The following PPP6R2 variants were observed in gnomAD, a reference collection of about 807,000 sequenced individuals.
The protein encoded by PPP6R2 is protein phosphatase 6 regulatory subunit 2, also known as serine/threonine-protein phosphatase 6 regulatory subunit 2.
PPP6R2 carries 62 observed loss-of-function variants against 100.2 expected under a neutral mutation model. The ratio of observed to expected loss-of-function variants is 0.62; its 90% CI spans 0.50 to 0.76. The LOEUF is 0.76. Among genes scored for constraint, PPP6R2 ranks in the 30% least tolerant of loss-of-function variants. The pLI, the probability that PPP6R2 is intolerant of heterozygous loss-of-function variation, is 0.00. For missense variants in PPP6R2, 1,142 were observed against 1,276.3 expected (o/e 0.89, Z 1.60); for synonymous variants, 525 against 514.7 (o/e 1.02, Z -0.27).
At chr22:50,341,359 A>G (rs1235014860), upstream of PPP6R2, among the ~76,000 whole-genome samples, 6 of 151,946 alleles carry the variant, frequency 3.9e-5, no homozygotes, top group Admixed American at 3.9e-4. Context: ...GCTCATCACC[A>G]CACCTGGCTA....
At position 50,410,728 on chromosome 22, in the gene PPP6R2, A is replaced by G. The variant is rs151084146; in HGVS notation, c.415-3824A>G. Among the ~76,000 whole-genome samples the G allele has an allele frequency of 4.3e-3, 660 of 151,732 alleles. 8 individuals are homozygous for G. Among genetic ancestry groups the G allele is most frequent in the African/African-American group, 0.015 (616 of 41,304 alleles). On this transcript the variant is annotated intron_variant, in intron 4 of 23. Coordinates refer to ENST00000612753, the MANE Select transcript of PPP6R2 (RefSeq NM_001242898.2). ...CACATACATCAGTATTCTAGTTGTG[A>G]TATTATACTGGTGTTTTAGAAAATG...
At chr22:50,389,999 T>C (rs200185103) in intron 2 of PPP6R2, among the ~76,000 whole-genome samples, 14 of 61,612 alleles carry the variant, frequency 2.3e-4, no homozygotes, top group South Asian at 1.4e-3. Context: ...TTTTTTTTTC[T>C]TTTTTTTTTT....
chr22:50,381,895 G>A (rs1428235347), intron 2 of PPP6R2, among the ~76,000 whole-genome samples: 2 of 144,468 alleles, frequency 1.4e-5, no homozygotes, highest in Admixed American at 7.1e-5. Flanking sequence ...GTGACAGAGC[G>A]AGACTCCGTC....
At chr22:50,337,735 A>T in the PPP6R2 span, among the ~76,000 whole-genome samples, 1 of 107,830 alleles carries the variant, frequency 9.3e-6, no homozygotes, top group Admixed American at 1.0e-4. Flanking sequence ...TGTGGTATGT[A>T]GTGTGTGTGG....
At chr22:50,419,706 G>A (rs1483974960) in intron 8 of PPP6R2, among the ~76,000 whole-genome samples, 1 of 152,270 alleles carries the variant, frequency 6.6e-6, no homozygotes, top group Non-Finnish European at 1.5e-5. Flanking sequence ...AGTTGGCGAT[G>A]CATTTGTCGA....
chr22:50,408,599 G>A (rs538981344), intron 4 of PPP6R2, among the ~76,000 whole-genome samples: 2 of 152,254 alleles, frequency 1.3e-5, no homozygotes, highest in South Asian at 2.1e-4. Context: ...GGGGATTGTC[G>A]TGGCTGTGAG....
At chr22:50,361,937 C>G (rs757634825) in intron 1 of PPP6R2, among the ~76,000 whole-genome samples, 25 of 152,146 alleles carry the variant, frequency 1.6e-4, no homozygotes, top group Non-Finnish European at 2.9e-5. Context: ...TGACTGTTCT[C>G]TGTCTTGGAG....
chr22:50,368,221 G>A (rs549502763), intron 1 of PPP6R2, among the ~76,000 whole-genome samples: 19 of 152,190 alleles, frequency 1.2e-4, no homozygotes, highest in African/African-American at 2.7e-4. Context: ...AGATGGCTGC[G>A]GGCGGGCCTG....
At chr22:50,407,704 G>A (rs1332798772) in intron 4 of PPP6R2, among the ~76,000 whole-genome samples, 1 of 152,200 alleles carries the variant, frequency 6.6e-6, no homozygotes, top group East Asian at 1.9e-4. Flanking sequence ...CTGGGCTTCT[G>A]CCCCTCCAGG....
intron 1 of PPP6R2, among the ~76,000 whole-genome samples, chr22:50,359,288 C>G (rs1214380302): frequency 6.6e-6 from 1 of 150,814 alleles, no homozygotes; most frequent in Non-Finnish European, 1.5e-5. Context: ...GCGTGATCTC[C>G]GCTCACTGCA....
rs990964326 is a variant in PPP6R2 at position 50,384,293 on chromosome 22, C to G, written c.-16-9600C>G. ...AAAGAAAAGAAATTTTAGTGGCTCA[C>G]GCCTGTAATCCCACCAGTCTGGGAG... On this transcript the variant is annotated intron_variant, in intron 2 of 23. Transcript: ENST00000612753. Among the ~76,000 whole-genome samples, 8 of 152,002 alleles carry G rather than the reference C, an allele frequency of 5.3e-5. No homozygotes were observed. In the Middle Eastern group the frequency reaches 0.017, roughly 323 times the overall value.
At chr22:50,413,902 C>CA (rs2060115571) in intron 4 of PPP6R2, among the ~76,000 whole-genome samples, 1 of 152,192 alleles carries the variant, frequency 6.6e-6, no homozygotes, top group African/African-American at 2.4e-5. Context: ...GCAGCGAGCC[C>CA]AGCCTTCACT....
chr22:50,335,509 T>G, the PPP6R2 span, among the ~76,000 whole-genome samples: 1 of 150,576 alleles, frequency 6.6e-6, no homozygotes, highest in Non-Finnish European at 1.5e-5. Flanking sequence ...TTTTTTGTTT[T>G]GTTTTGTTTT....
chr22:50,348,896 AAAAC>A (rs1488289127), intron 1 of PPP6R2, among the ~76,000 whole-genome samples: 1 of 151,640 alleles, frequency 6.6e-6, no homozygotes, highest in Non-Finnish European at 1.5e-5. Flanking sequence ...TATCTCTACA[AAAAC>A]AAAAAGCAGG....
intron 4 of PPP6R2, among the ~76,000 whole-genome samples, chr22:50,409,037 C>T (rs992231176): frequency 1.3e-5 from 2 of 152,154 alleles, no homozygotes; most frequent in African/African-American, 4.8e-5. Context: ...TCACTTGAAC[C>T]CAGGAGGCAG....
chr22:50,387,456 C>T (rs2054481802), intron 2 of PPP6R2, among the ~76,000 whole-genome samples: 1 of 152,090 alleles, frequency 6.6e-6, no homozygotes, highest in South Asian at 2.1e-4. Flanking sequence ...TCTTTTTTCC[C>T]CGGTGGACTA....
At chr22:50,352,477 C>T (rs1265506872) in intron 1 of PPP6R2, among the ~76,000 whole-genome samples, 4 of 152,024 alleles carry the variant, frequency 2.6e-5, no homozygotes, top group African/African-American at 7.3e-5. Context: ...CCCCTGTAAT[C>T]CCAGCACTTT....
intron 2 of PPP6R2, among the ~76,000 whole-genome samples, chr22:50,380,785 C>A (rs1424805039): frequency 6.0e-5 from 9 of 150,518 alleles, no homozygotes; most frequent in Non-Finnish European, 1.2e-4. Context: ...GTCAGGAGAT[C>A]GAGACCATCC....
intron 2 of PPP6R2, among the ~76,000 whole-genome samples, chr22:50,384,814 C>T (rs1056157153): frequency 6.6e-6 from 1 of 152,128 alleles, no homozygotes; most frequent in Non-Finnish European, 1.5e-5. Context: ...AATCATGGCT[C>T]ACTGCAGCTT....
Sources: gnomAD v4.1 joint callset for allele counts (sites outside exome capture counted in the v4.1 genomes callset) on GRCh38, gnomAD v4.1.1 for gene constraint, MANE v1.5 for transcripts, NCBI Gene and HGNC (gene_info 2026-07-23, HGNC 2026-07-21) for gene names.